The following NUFIP1 variants were observed in gnomAD, a reference collection of about 807,000 sequenced individuals.
NUFIP1 encodes the protein FMR1-interacting protein NUFIP1.
In NUFIP1, 38 loss-of-function variants were observed where a neutral mutation model predicts 56.2. The observed-to-expected ratio is 0.68, with a 90% CI of 0.52 to 0.89. The LOEUF (loss-of-function observed/expected upper bound fraction) is 0.89. Ranked by LOEUF, NUFIP1 falls within the 40% of genes least tolerant of loss-of-function variation. NUFIP1 has a pLI of 0.00. For synonymous variants in NUFIP1, 215 were observed against 212.4 expected (o/e 1.01, Z -0.10); for missense variants, 567 against 605.8 (o/e 0.94, Z 0.67).
intron 5 of NUFIP1, among the ~76,000 whole-genome samples, chr13:44,971,507 G>A (rs1478791924): frequency 6.6e-6 from 1 of 151,970 alleles, no homozygotes; most frequent in Admixed American, 6.6e-5. Context: ...GGACAGAGCC[G>A]CTTCCAAAAT....
intron 1 of NUFIP1, among the ~76,000 whole-genome samples, chr13:44,982,865 T>G (rs1455326026): frequency 6.6e-6 from 1 of 151,970 alleles, no homozygotes; most frequent in African/African-American, 2.4e-5. Context: ...AAAATTAGCT[T>G]GGCATGATGG....
chr13:44,983,003 G>A (rs1483078796), intron 1 of NUFIP1, among the ~76,000 whole-genome samples: 1 of 152,114 alleles, frequency 6.6e-6, no homozygotes, highest in African/African-American at 2.4e-5. Flanking sequence ...ACAAGACCCT[G>A]TCTCTGTCTC....
At chr13:44,964,543 A>G (rs577475615) in intron 6 of NUFIP1, among the ~76,000 whole-genome samples, 1 of 152,346 alleles carries the variant, frequency 6.6e-6, no homozygotes, top group African/African-American at 2.4e-5. Context: ...CCCTGAATTG[A>G]GGAACTGGAG....
chr13:44,975,947 G>T (rs1871958152), intron 5 of NUFIP1, among the ~76,000 whole-genome samples: 1 of 152,204 alleles, frequency 6.6e-6, no homozygotes, highest in African/African-American at 2.4e-5. Context: ...ATACCCTTCA[G>T]TAAACTCAAA....
At chr13:44,987,073 G>A (rs1872424017) in intron 1 of NUFIP1, among the ~76,000 whole-genome samples, 1 of 152,064 alleles carries the variant, frequency 6.6e-6, no homozygotes, top group Non-Finnish European at 1.5e-5. Context: ...TCTTGCCTCT[G>A]CCTCTCAAAG....
intron 1 of NUFIP1, among the ~76,000 whole-genome samples, chr13:44,987,388 A>T (rs1449651852): frequency 6.6e-6 from 1 of 152,136 alleles, no homozygotes; most frequent in South Asian, 2.1e-4. Context: ...AATTAAAAAA[A>T]AAAATAAATA....
At chr13:44,988,972 A>G in intron 1 of NUFIP1, 53 bp downstream of exon 1, 10 of 1,577,430 alleles carry the variant, frequency 6.3e-6, no homozygotes, top group Non-Finnish European at 8.7e-6. Flanking sequence ...AGGGGAGAGG[A>G]AAGAACGGGG....
At chr13:44,948,362 G>C (rs1870966429) in intron 8 of NUFIP1, among the ~76,000 whole-genome samples, 1 of 151,924 alleles carries the variant, frequency 6.6e-6, no homozygotes. Context: ...GGCTGCTCTC[G>C]AACTCCTGAC....
chr13:44,980,191 A>G (rs1306808765), intron 3 of NUFIP1, among the ~76,000 whole-genome samples: 2 of 152,266 alleles, frequency 1.3e-5, no homozygotes, highest in East Asian at 3.8e-4. Context: ...GAGCAAAGGC[A>G]TACATCAATA....
At chr13:44,953,080 T>C (rs373643850) in intron 7 of NUFIP1, among the ~76,000 whole-genome samples, 20 of 152,310 alleles carry the variant, frequency 1.3e-4, no homozygotes, top group South Asian at 8.3e-4. Flanking sequence ...AATGTTGACC[T>C]TGACCACTTT....
chr13:44,980,044 G>A, intron 3 of NUFIP1, 92 bp from the exon 4 acceptor site: 1 of 863,062 alleles, frequency 1.2e-6, no homozygotes, highest in Non-Finnish European at 1.8e-6. Flanking sequence ...TATTCTGGCT[G>A]TATTACATAG....
chr13:44,976,354 AAAG>A (rs1001218027), intron 5 of NUFIP1, among the ~76,000 whole-genome samples: 2 of 151,080 alleles, frequency 1.3e-5, no homozygotes, highest in African/African-American at 4.9e-5. Context: ...AAGAAAGGAG[AAAG>A]GAGGAGGAGG....
At chr13:44,951,607 T>A (rs1016835494) in intron 7 of NUFIP1, among the ~76,000 whole-genome samples, 4 of 152,188 alleles carry the variant, frequency 2.6e-5, no homozygotes, top group Non-Finnish European at 4.4e-5. Flanking sequence ...TCCTCCCTTT[T>A]ATAGTAAAAC....
chr13:44,978,626 T>C lies in NUFIP1; in HGVS notation c.734+564A>G, dbSNP rs555266679. Among the ~76,000 whole-genome samples, 4 of 152,316 alleles carry C rather than the reference T, an allele frequency of 2.6e-5. No individual in the cohort carries two copies. In the South Asian group the frequency reaches 8.3e-4, roughly 32 times the overall value. Reference sequence around the variant, plus strand: ...GGTGATGCTCAAATTTCTTTAATCATAGGAATGAATTCCTGATCTTCTCAT... The same window carrying C: ...GGTGATGCTCAAATTTCTTTAATCACAGGAATGAATTCCTGATCTTCTCAT... On this transcript the variant is annotated intron_variant, in intron 5 of 9. Coordinates refer to ENST00000379161, the MANE Select transcript of NUFIP1 (RefSeq NM_012345.3).
chr13:44,959,375 G>C lies in NUFIP1; in HGVS notation c.1021+6C>G. On this transcript the variant is annotated splice_donor_region_variant and intron_variant, in intron 7 of 9. Coordinates refer to ENST00000379161, the MANE Select transcript of NUFIP1 (RefSeq NM_012345.3). ...TATAAATACGTTATTTTCCTGTTTAGCTTACCAGAATCACTGTTTATCAAA... is the reference window on the plus strand; with the variant it reads ...TATAAATACGTTATTTTCCTGTTTACCTTACCAGAATCACTGTTTATCAAA... 2 of 1,611,336 alleles carry C rather than the reference G, an allele frequency of 1.2e-6. No individual in the cohort carries two copies. The highest frequency in any genetic ancestry group is 1.7e-6 in the Non-Finnish European group (2 of 1,178,904).
rs1386569326 is a variant in NUFIP1, at chr13:44,989,164, G to A, written c.273C>T (p.Pro91=). Residue 91 remains proline (P), a synonymous_variant, in exon 1 of 10, where the codon CCC becomes CCT. Coordinates refer to ENST00000379161, the MANE Select transcript of NUFIP1 (RefSeq NM_012345.3). ...CAAGGGGAGACTGGGCGTCGAAGGGGGGTTGCGCCCCGGGAAGAATCTGGG... is the reference window on the plus strand; with the variant it reads ...CAAGGGGAGACTGGGCGTCGAAGGGAGGTTGCGCCCCGGGAAGAATCTGGG... The part of the protein sequence containing the change: ...FDAQILPGAQ[P]PFDAQSPLDS... 1.2e-6 allele frequency: 2 copies of A among 1,613,622 alleles called. No homozygotes were observed. Among genetic ancestry groups the A allele is most frequent in the Admixed American group, 3.3e-5 (2 of 59,930 alleles).
At chr13:44,944,134 T>A (rs909592751) in intron 8 of NUFIP1, among the ~76,000 whole-genome samples, 1 of 152,182 alleles carries the variant, frequency 6.6e-6, no homozygotes, top group African/African-American at 2.4e-5. Context: ...ATGTAAGTAG[T>A]ATACACTGTA....
intron 6 of NUFIP1, among the ~76,000 whole-genome samples, chr13:44,960,681 A>G (rs1421401978): frequency 6.6e-6 from 1 of 152,194 alleles, no homozygotes; most frequent in Admixed American, 6.5e-5. Flanking sequence ...TCTGCTTTAT[A>G]GGCCTATCAG....
chr13:44,954,470 C>T (rs955105974), intron 7 of NUFIP1, among the ~76,000 whole-genome samples: 2 of 152,104 alleles, frequency 1.3e-5, no homozygotes, highest in African/African-American at 4.8e-5. Context: ...GTAAGCCAAA[C>T]GCAGGACCTT....
Sources: allele counts gnomAD v4.1 joint callset (sites outside exome capture counted in the v4.1 genomes callset), GRCh38; gene constraint gnomAD v4.1.1; transcripts MANE v1.5; gene names NCBI Gene and HGNC (gene_info 2026-07-23, HGNC 2026-07-21).